The following COLEC10 variants were observed in gnomAD, a reference collection of about 807,000 sequenced individuals.
The protein encoded by COLEC10 is collectin subfamily member 10.
COLEC10 carries 22 observed loss-of-function variants against 28.4 expected under a neutral mutation model. The observed-to-expected ratio is 0.78, with a 90% CI of 0.55 to 1.11. The LOEUF is 1.11. Among genes scored for constraint, COLEC10 ranks in the 50% least tolerant of loss-of-function variants. The probability of loss-of-function intolerance (pLI) is 0.00; values close to 1 mark genes in which losing one functional copy is unlikely to be tolerated. For missense variants in COLEC10, 361 were observed against 344.1 expected (o/e 1.05, Z -0.39); for synonymous variants, 125 against 116.1 (o/e 1.08, Z -0.49).
chr8:118,981,100 G>A, the COLEC10 span, among the ~76,000 whole-genome samples: 259 of 152,004 alleles, frequency 1.7e-3, 3 homozygotes, highest in South Asian at 0.033. Flanking sequence ...GTGTAAATCA[G>A]GTGGTTATAA....
intron 2 of COLEC10, among the ~76,000 whole-genome samples, chr8:119,013,685 G>A (rs1586997953): frequency 1.3e-5 from 2 of 150,600 alleles, no homozygotes; most frequent in African/African-American, 5.0e-5. Flanking sequence ...GTATTGTTAT[G>A]TCTTTAAAAA....
the COLEC10 span, among the ~76,000 whole-genome samples, chr8:118,986,235 A>T: frequency 6.6e-6 from 1 of 152,210 alleles, no homozygotes; most frequent in Non-Finnish European, 1.5e-5. Flanking sequence ...ATGGAGCAAT[A>T]TTATATCTAT....
At chr8:119,069,549 T>C (rs1235640554) in intron 1 of COLEC10, among the ~76,000 whole-genome samples, 2 of 133,966 alleles carry the variant, frequency 1.5e-5, no homozygotes, top group Non-Finnish European at 3.1e-5. Context: ...TGAGCCTGCA[T>C]GGGCCATGAT....
intron 1 of COLEC10, among the ~76,000 whole-genome samples, chr8:119,000,984 A>G (rs987414485): frequency 2.0e-5 from 3 of 152,148 alleles, no homozygotes; most frequent in African/African-American, 7.2e-5. Flanking sequence ...AAAGGTATTA[A>G]CAAAAGGGCA....
chr8:119,002,135 T>A (rs1015399251), intron 1 of COLEC10, among the ~76,000 whole-genome samples: 2 of 152,192 alleles, frequency 1.3e-5, no homozygotes, highest in South Asian at 2.1e-4. Flanking sequence ...ATTACATATT[T>A]GCCATAATTG....
the COLEC10 span, among the ~76,000 whole-genome samples, chr8:118,952,960 A>G: frequency 6.6e-6 from 1 of 152,166 alleles, no homozygotes; most frequent in African/African-American, 2.4e-5. Context: ...CTGCTTCCCC[A>G]TCAGGGCCAA....
the COLEC10 span, among the ~76,000 whole-genome samples, chr8:118,955,156 A>G: frequency 6.6e-6 from 1 of 152,230 alleles, no homozygotes; most frequent in African/African-American, 2.4e-5. Context: ...GGAGAAAAAC[A>G]GCAGATAGCC....
chr8:118,957,298 G>A, the COLEC10 span, among the ~76,000 whole-genome samples: 11 of 152,274 alleles, frequency 7.2e-5, no homozygotes, highest in South Asian at 4.1e-4. Context: ...TAAACTCTTC[G>A]GATGGTGATA....
At chr8:118,984,028 C>T in the COLEC10 span, among the ~76,000 whole-genome samples, 12 of 147,840 alleles carry the variant, frequency 8.1e-5, no homozygotes, top group South Asian at 4.2e-4. Context: ...TAAAGACATG[C>T]ATAATGTATT....
intron 2 of COLEC10, among the ~76,000 whole-genome samples, chr8:119,035,355 T>C (rs559951155): frequency 1.3e-5 from 2 of 152,280 alleles, no homozygotes; most frequent in South Asian, 4.1e-4. Flanking sequence ...GCTAACCTAA[T>C]AAAATAATGC....
At chr8:119,097,112 G>C (rs1163028790) in intron 3 of COLEC10, among the ~76,000 whole-genome samples, 1 of 152,022 alleles carries the variant, frequency 6.6e-6, no homozygotes, top group Non-Finnish European at 1.5e-5. Context: ...AGTCAGTATG[G>C]TGATCTTTAG....
intron 1 of COLEC10, among the ~76,000 whole-genome samples, chr8:119,004,393 GC>G (rs1284342234): frequency 1.6e-4 from 24 of 151,536 alleles, no homozygotes; most frequent in African/African-American, 5.6e-4. Context: ...GCTAAGAGCT[GC>G]CCCTGAGAGA....
rs758924009 is a variant in COLEC10 at position 119,067,386 on chromosome 8, C to G, written c.105C>G (p.Thr35=). 1.9e-6 allele frequency: 3 copies of G among 1,613,836 alleles called. No homozygotes were observed. In the African/African-American group the frequency reaches 4.0e-5, roughly 22 times the overall value. ...SLGLDIDSRP[T]AEVCATHTIS... is the part of the protein sequence containing the mutation. Reference sequence around the variant, plus strand: ...GTCTGGATATTGATAGCCGTCCTACCGCTGAAGTCTGTGCCACACACACAA... The same window carrying G: ...GTCTGGATATTGATAGCCGTCCTACGGCTGAAGTCTGTGCCACACACACAA... The change falls in exon 1 of 6, where the codon ACC becomes ACG. Residue 35 remains threonine (T), a synonymous_variant. Coordinates refer to ENST00000332843, the MANE Select transcript of COLEC10 (RefSeq NM_006438.5).
chr8:119,099,392 G>T (rs533382033), intron 3 of COLEC10, among the ~76,000 whole-genome samples: 1 of 152,120 alleles, frequency 6.6e-6, no homozygotes, highest in Non-Finnish European at 1.5e-5. Context: ...GTGCTGATCC[G>T]ATTATAAGAA....
rs747204631 is a variant in COLEC10 at position 119,060,439 on chromosome 8, G to A, written n.236-29241G>A. 3.9e-5 allele frequency among the ~76,000 whole-genome samples: 6 copies of A among 152,048 alleles called. No homozygotes were observed. The East Asian group carries it at 7.7e-4, about 20-fold the overall frequency. On this transcript the variant is annotated intron_variant and non_coding_transcript_variant, in intron 2 of 6. Transcript: ENST00000521788. ...GAAAGTCTTTCAAATGAGCAATTACGGCTATTGATTTCCAAACCTATTATG... is the reference window on the plus strand; with the variant it reads ...GAAAGTCTTTCAAATGAGCAATTACAGCTATTGATTTCCAAACCTATTATG...
intron 2 of COLEC10, among the ~76,000 whole-genome samples, chr8:119,059,737 T>C (rs1587027710): frequency 6.6e-6 from 1 of 152,224 alleles, no homozygotes; most frequent in East Asian, 1.9e-4. Flanking sequence ...TGCACAAAGC[T>C]GGGGTATCTT....
rs368598881 is a variant in COLEC10 at position 119,105,868 on chromosome 8, G to C, written c.511G>C (p.Glu171Gln). ...CGTGCAGGAAGAGAAGAACTACAGG[G>C]AATCCCTAACCCACTGCAGGATTCG... ...YIVQEEKNYR[E>Q]SLTHCRIRGG... The change falls in exon 6 of 6, where the codon GAA becomes CAA. Residue 171 changes from glutamate to glutamine, a missense_variant. Transcript: ENST00000332843. The C allele has an allele frequency of 6.2e-6, 10 of 1,613,628 alleles. No individual in the cohort carries two copies. The highest frequency in any genetic ancestry group is 8.5e-6 in the Non-Finnish European group (10 of 1,179,864).
chr8:119,013,402 G>A (rs1813934293), intron 2 of COLEC10, among the ~76,000 whole-genome samples: 1 of 150,540 alleles, frequency 6.6e-6, no homozygotes, highest in South Asian at 2.1e-4. Context: ...CTTGGTGAAT[G>A]TTCCAAGTGA....
chr8:119,095,317 A>G (rs1445749372), intron 3 of COLEC10, among the ~76,000 whole-genome samples: 1 of 152,258 alleles, frequency 6.6e-6, no homozygotes, highest in Non-Finnish European at 1.5e-5. Flanking sequence ...TAATGAAGGT[A>G]AAACTATGTT....
Sources: allele counts gnomAD v4.1 joint callset (sites outside exome capture counted in the v4.1 genomes callset), GRCh38; gene constraint gnomAD v4.1.1; transcripts MANE v1.5; gene names NCBI Gene and HGNC (gene_info 2026-07-23, HGNC 2026-07-21).